The following TBCB variants were observed in gnomAD, a reference collection of about 807,000 sequenced individuals.
TBCB encodes the protein tubulin folding cofactor B.
TBCB carries 18 observed loss-of-function variants against 29.2 expected under a neutral mutation model. The ratio of observed to expected loss-of-function variants is 0.62; its 90% confidence interval spans 0.43 to 0.91. TBCB has a LOEUF of 0.91. Ranked by LOEUF, TBCB falls within the 40% of genes least tolerant of loss-of-function variation. The pLI is 0.00. For synonymous variants in TBCB, 172 were observed against 137.8 expected, an observed-to-expected ratio of 1.25 and a Z score of -1.74; for missense variants, 336 against 337.6, an observed-to-expected ratio of 1.00 and a Z score of 0.04.
chr19:36,119,870 TGG>T (rs1275899224), intron 2 of TBCB, among the ~76,000 whole-genome samples: 2 of 147,854 alleles, frequency 1.4e-5, no homozygotes, highest in Admixed American at 6.8e-5. Flanking sequence ...CACTCCAGCC[TGG>T]GTGACAGAGC....
rs1973930964 is a variant in TBCB at position 36,115,495 on chromosome 19, G to A, written c.-66G>A. 1 of 1,249,504 alleles carries A rather than the reference G, an allele frequency of 8.0e-7. No homozygotes were observed. The highest frequency in any genetic ancestry group is 1.3e-5 in the South Asian group (1 of 74,772). The allele number at this position is 1,249,504 out of a possible 1,614,324, so 77.4% of individuals were successfully genotyped here. ...TGATAGCCCAGCAGCAGCAGCGGCG[G>A]CGGCGGCTGCGGAGCGGGTGTGAGG... On this transcript the variant is annotated 5_prime_UTR_variant, in exon 1 of 6. Transcript: ENST00000221855.
chr19:36,122,523 C>T (rs1974072201), intron 4 of TBCB, among the ~76,000 whole-genome samples: 1 of 144,602 alleles, frequency 6.9e-6, no homozygotes, highest in Admixed American at 7.2e-5. Context: ...TCACTTGAAC[C>T]CAGGAATTTG....
chr19:36,122,697 T>G (rs1599866198), intron 4 of TBCB, among the ~76,000 whole-genome samples: 1 of 139,984 alleles, frequency 7.1e-6, no homozygotes. Flanking sequence ...GAGGCTGCAG[T>G]GAGCTATGAT....
intron 3 of TBCB, 110 bp downstream of exon 3, chr19:36,120,916 G>C (rs539680282): frequency 4.0e-6 from 4 of 992,014 alleles, no homozygotes; most frequent in Non-Finnish European, 6.1e-6. Flanking sequence ...TGGTGTAGAC[G>C]GGGGGCCGAG....
Position 36,125,458 on chromosome 19 carries a change from A to C in TBCB, c.555A>C (p.Thr185=). The C allele has an allele frequency of 1.2e-6, 2 of 1,614,264 alleles. No individual in the cohort carries two copies. The highest frequency in any genetic ancestry group is 1.7e-6 in the Non-Finnish European group (2 of 1,180,048). The change falls in exon 5 of 6, where the codon ACA becomes ACC. Residue 185 remains threonine (T), a synonymous_variant. Coordinates refer to ENST00000221855, the MANE Select transcript of TBCB (RefSeq NM_001281.3). ...TTTCTCTTCTGTTGGCAGGTCTCAC[A>C]GATTTCAAGCCTGGCTACTGGATTG... ...RRGTVMYVGL[T]DFKPGYWIGV... is the part of the protein sequence containing the mutation.
chr19:36,116,288 G>T, intron 2 of TBCB, 104 bp downstream of exon 2: 2 of 1,473,598 alleles, frequency 1.4e-6, no homozygotes. Context: ...GATAGGTCCT[G>T]CCTTCGTGGA....
In TBCB at chr19:36,116,243, G is replaced by A; in HGVS notation, c.258+59G>A. On this transcript the variant is annotated intron_variant, in intron 2 of 5. Transcript: ENST00000221855. The stretch of plus-strand genomic sequence containing the variant: ...CCACCTTTCATTTGGTTATTCAACA[G>A]ACACTTGCTGGGCTTTGCCCTCAGT... The A allele has an allele frequency of 2.5e-6, 4 of 1,594,078 alleles. No homozygotes were observed. In the South Asian group the frequency reaches 4.5e-5, roughly 18 times the overall value.
Position 36,115,548 on chromosome 19 carries a change from A to C in TBCB, c.-13A>C, listed in dbSNP as rs1335706577. 1.0e-5 allele frequency: 16 copies of C among 1,592,274 alleles called. No homozygotes were observed. Among genetic ancestry groups the C allele is most frequent in the Non-Finnish European group, 1.4e-5 (16 of 1,169,552 alleles). The stretch of plus-strand genomic sequence containing the variant: ...GCTGGACCGCGCTGCAGGCATCCGC[A>C]GGGCGCGGCAAGATGGAGGTGACGG... On this transcript the variant is annotated 5_prime_UTR_variant, in exon 1 of 6. Coordinates refer to ENST00000221855, the MANE Select transcript of TBCB (RefSeq NM_001281.3).
rs1599864322 is a variant in TBCB, at chr19:36,120,250, G to C, written c.259-460G>C. On this transcript the variant is annotated intron_variant, in intron 2 of 5. Coordinates refer to ENST00000221855, the MANE Select transcript of TBCB (RefSeq NM_001281.3). ...TGTTTACACTGAGTCCCCAGCATGA[G>C]GCCCAGCTGGGCCCCTGGGAGCTCG... Among the ~76,000 whole-genome samples the C allele has an allele frequency of 2.6e-5, 4 of 152,284 alleles. No homozygotes were observed. In the South Asian group the frequency reaches 6.2e-4, roughly 24 times the overall value.
At chr19:36,115,947 G>T (rs994293362) in intron 1 of TBCB, 94 bp from the exon 2 acceptor site, 31 of 1,531,770 alleles carry the variant, frequency 2.0e-5, no homozygotes, top group Non-Finnish European at 2.7e-5. Flanking sequence ...TGACTGGGGG[G>T]TCTTTTGGAG....
At chr19:36,123,448 A>G (rs78029023) in intron 4 of TBCB, among the ~76,000 whole-genome samples, 4,996 of 151,974 alleles carry the variant, frequency 0.033, 176 homozygotes, top group East Asian at 0.2. Context: ...TTTTTTTTGT[A>G]GGATGGGATT....
chr19:36,119,510 C>T (rs1255898086), intron 2 of TBCB, among the ~76,000 whole-genome samples: 1 of 152,220 alleles, frequency 6.6e-6, no homozygotes, highest in Non-Finnish European at 1.5e-5. Context: ...CCATCTCAGC[C>T]AGAGGGAGCC....
rs1360540001 is a variant in TBCB at position 36,121,701 on chromosome 19, G to T, written c.530G>T (p.Gly177Val). Residue 177 changes from glycine (G) to valine (V), a missense_variant, in exon 4 of 6, where the codon GGC (glycine) becomes GTC (valine). Coordinates refer to ENST00000221855, the MANE Select transcript of TBCB (RefSeq NM_001281.3). ...VRAAGQSPRR[G>V]TVMYVGLTDF... ...GCGGCGGGACAATCCCCTCGCCGGG[G>T]CACCGTCATGTATGTAGGTGCGTGG... is the stretch of plus-strand genomic sequence containing the variant. The T allele has an allele frequency of 1.3e-6, 2 of 1,551,396 alleles. No individual in the cohort carries two copies. The highest frequency in any genetic ancestry group is 2.4e-5 in the South Asian group (2 of 82,982).
chr19:36,115,226 T>A, upstream of TBCB: 1 of 535,822 alleles, frequency 1.9e-6, no homozygotes, highest in South Asian at 2.4e-5. Context: ...GAGTTTACCC[T>A]TCGCGGACTG....
intron 3 of TBCB, 105 bp downstream of exon 3, chr19:36,120,911 T>A: frequency 9.4e-7 from 1 of 1,059,048 alleles, no homozygotes; most frequent in South Asian, 1.4e-5. Context: ...GCCAGTGGTG[T>A]AGACGGGGGG....
At chr19:36,124,525 G>A in intron 4 of TBCB, among the ~76,000 whole-genome samples, 1 of 151,824 alleles carries the variant, frequency 6.6e-6, no homozygotes, top group East Asian at 1.9e-4. Flanking sequence ...GCGCCCATCG[G>A]TATGTCGGGG....
At chr19:36,116,276 G>A (rs1947078090) in intron 2 of TBCB, 92 bp downstream of exon 2, 1 of 1,530,704 alleles carries the variant, frequency 6.5e-7, no homozygotes, top group Non-Finnish European at 8.9e-7. Flanking sequence ...AGTCATACCC[G>A]AGATAGGTCC....
chr19:36,122,740 G>A (rs1393716270), intron 4 of TBCB, among the ~76,000 whole-genome samples: 3 of 148,268 alleles, frequency 2.0e-5, no homozygotes, highest in Non-Finnish European at 4.5e-5. Flanking sequence ...GGTGACAGAG[G>A]GAGACCCTGT....
At chr19:36,118,099 A>G (rs1973985776) in intron 2 of TBCB, among the ~76,000 whole-genome samples, 1 of 152,196 alleles carries the variant, frequency 6.6e-6, no homozygotes, top group Non-Finnish European at 1.5e-5. Flanking sequence ...AACTGTCAGT[A>G]GCATTTTGGC....
Sources: gnomAD v4.1 joint callset for allele counts (sites outside exome capture counted in the v4.1 genomes callset) on GRCh38, gnomAD v4.1.1 for gene constraint, MANE v1.5 for transcripts, NCBI Gene and HGNC (gene_info 2026-07-23, HGNC 2026-07-21) for gene names.